FGF14: variants seen among roughly 807,000 people sequenced by gnomAD.
The protein encoded by FGF14 is fibroblast growth factor homologous factor 4.
Under a neutral mutation model 25.5 loss-of-function variants are expected in FGF14, and 5 were observed. That is an observed-to-expected ratio of 0.20 (90% CI 0.10 to 0.41). The LOEUF (loss-of-function observed/expected upper bound fraction) is 0.41. FGF14 is among the 10% of genes least tolerant of loss of function. FGF14 has a pLI of 1.00. For synonymous variants in FGF14, 138 were observed against 118.3 expected, an observed-to-expected ratio of 1.17 and a Z score of -1.08; for missense variants, 222 against 320.1, an observed-to-expected ratio of 0.69 and a Z score of 2.34.
chr13:102,332,467 C>T (rs1374474027), intron 1 of FGF14, among the ~76,000 whole-genome samples: 1 of 152,082 alleles, frequency 6.6e-6, no homozygotes, highest in African/African-American at 2.4e-5. Flanking sequence ...GTGTATGAAA[C>T]ATTAATGAGA....
chr13:102,171,527 T>C (rs1454891981), intron 1 of FGF14, among the ~76,000 whole-genome samples: 1 of 152,144 alleles, frequency 6.6e-6, no homozygotes, highest in Non-Finnish European at 1.5e-5. Flanking sequence ...AGCCTATCTT[T>C]CTTTTTTAGC....
intron 3 of FGF14, among the ~76,000 whole-genome samples, chr13:101,768,600 G>C (rs576084401): frequency 7.8e-4 from 118 of 152,228 alleles, no homozygotes; most frequent in Non-Finnish European, 1.3e-3. Flanking sequence ...AGACAGTGAA[G>C]TATTGGTGAA....
Position 101,715,714 on chromosome 13 carries a change from C to A in FGF14, c.*7117G>T, listed in dbSNP as rs188773082. ...TCTGGGCCATTAGAACAGATAAATG[C>A]GAAGGAAACCATGTATATTCACCAC... On this transcript the variant is annotated 3_prime_UTR_variant, in exon 5 of 5. Transcript: ENST00000376143. 1 of 1,054,432 alleles carries A rather than the reference C, an allele frequency of 9.5e-7. No individual in the cohort carries two copies. Among genetic ancestry groups the A allele is most frequent in the Non-Finnish European group, 1.5e-6 (1 of 670,578 alleles). The allele number at this position is 1,054,432 out of a possible 1,614,324, so 65.3% of individuals were successfully genotyped here.
At chr13:101,800,339 C>T (rs2040799432) in intron 3 of FGF14, among the ~76,000 whole-genome samples, 1 of 152,132 alleles carries the variant, frequency 6.6e-6, no homozygotes. Flanking sequence ...TGAGAATTGA[C>T]ATCTATTCTT....
chr13:101,856,883 A>C (rs1026981400), intron 3 of FGF14, among the ~76,000 whole-genome samples: 8 of 152,010 alleles, frequency 5.3e-5, no homozygotes, highest in African/African-American at 1.9e-4. Flanking sequence ...CCACCATAGA[A>C]AATAATTTGC....
intron 3 of FGF14, among the ~76,000 whole-genome samples, chr13:101,758,314 A>T (rs2037788651): frequency 6.6e-6 from 1 of 152,198 alleles, no homozygotes; most frequent in South Asian, 2.1e-4. Flanking sequence ...TCACCCAGAA[A>T]GCTAGTTAAA....
chr13:102,192,798 A>C (rs1286439525), intron 1 of FGF14, among the ~76,000 whole-genome samples: 1 of 152,082 alleles, frequency 6.6e-6, no homozygotes, highest in African/African-American at 2.4e-5. Context: ...CCTCATTTTC[A>C]TCTGGGAACT....
intron 3 of FGF14, among the ~76,000 whole-genome samples, chr13:101,755,807 C>T (rs2037609575): frequency 1.3e-5 from 2 of 152,110 alleles, no homozygotes; most frequent in African/African-American, 2.4e-5. Context: ...AAAGTTTAGC[C>T]CCATGTCAGC....
At chr13:102,098,330 A>G (rs2044503078) in intron 1 of FGF14, among the ~76,000 whole-genome samples, 1 of 152,246 alleles carries the variant, frequency 6.6e-6, no homozygotes, top group Non-Finnish European at 1.5e-5. Flanking sequence ...TAGCTGATAT[A>G]CCCAGGTGTA....
intron 1 of FGF14, among the ~76,000 whole-genome samples, chr13:102,173,007 G>A (rs991211460): frequency 5.3e-5 from 8 of 152,136 alleles, no homozygotes; most frequent in Non-Finnish European, 2.9e-5. Context: ...GTATCAGGAT[G>A]GCCAAATGGG....
At chr13:101,762,251 A>G (rs1250156553) in intron 3 of FGF14, among the ~76,000 whole-genome samples, 2 of 152,210 alleles carry the variant, frequency 1.3e-5, no homozygotes, top group Non-Finnish European at 1.5e-5. Context: ...TTGCCTGGCA[A>G]TGCAATATTT....
chr13:102,026,210 G>A (rs192384194), intron 1 of FGF14, among the ~76,000 whole-genome samples: 130 of 151,878 alleles, frequency 8.6e-4, no homozygotes, highest in African/African-American at 3.0e-3. Flanking sequence ...GCTATATTTT[G>A]TTCTTTATTC....
At chr13:101,771,906 C>A (rs1050534338) in intron 3 of FGF14, among the ~76,000 whole-genome samples, 1 of 151,910 alleles carries the variant, frequency 6.6e-6, no homozygotes, top group African/African-American at 2.4e-5. Context: ...CTTGTACCAC[C>A]TTTCCAGCCC....
chr13:102,008,203 T>C (rs2039903955), intron 1 of FGF14, among the ~76,000 whole-genome samples: 1 of 152,212 alleles, frequency 6.6e-6, no homozygotes, highest in African/African-American at 2.4e-5. Context: ...TACGTATGCA[T>C]GGGCTGCTAG....
chr13:101,926,534 G>C (rs2034377481), intron 1 of FGF14, among the ~76,000 whole-genome samples: 1 of 152,198 alleles, frequency 6.6e-6, no homozygotes, highest in South Asian at 2.1e-4. Context: ...TGATTGTGGA[G>C]ACAGGACCAT....
intron 1 of FGF14, among the ~76,000 whole-genome samples, chr13:102,382,130 T>C (rs1008747934): frequency 6.6e-6 from 1 of 152,106 alleles, no homozygotes; most frequent in African/African-American, 2.4e-5. Flanking sequence ...AATAAACACA[T>C]AAACTAGACT....
rs576154512 is a variant in FGF14, at chr13:101,826,494, A to G, written c.408+42231T>C. Among the ~76,000 whole-genome samples the G allele has an allele frequency of 7.2e-5, 11 of 152,238 alleles. No individual in the cohort carries two copies. In the South Asian group the frequency reaches 2.3e-3, roughly 32 times the overall value. ...AATTAATATTGACTTCAGAGAATTC[A>G]TCACCTCAAACTTCCCATATCCCAA... is the stretch of plus-strand genomic sequence containing the variant. On this transcript the variant is annotated intron_variant, in intron 3 of 4. Coordinates refer to ENST00000376143, the MANE Select transcript of FGF14 (RefSeq NM_004115.4).
At chr13:101,803,517 T>C (rs2041019882) in intron 3 of FGF14, among the ~76,000 whole-genome samples, 1 of 151,810 alleles carries the variant, frequency 6.6e-6, no homozygotes, top group Non-Finnish European at 1.5e-5. Flanking sequence ...AGAACCTCTG[T>C]GCTTAAACAT....
intron 1 of FGF14, among the ~76,000 whole-genome samples, chr13:102,206,992 C>T (rs182714374): frequency 1.3e-5 from 2 of 152,072 alleles, no homozygotes; most frequent in South Asian, 2.1e-4. Flanking sequence ...AACAAGTTTT[C>T]CCCTCCTGGT....
Sources: allele counts gnomAD v4.1 joint callset (sites outside exome capture counted in the v4.1 genomes callset), GRCh38; gene constraint gnomAD v4.1.1; transcripts MANE v1.5; gene names NCBI Gene and HGNC (gene_info 2026-07-23, HGNC 2026-07-21).